Variants in SCAF11 observed in about 807,000 individuals in gnomAD.
SCAF11 encodes the protein protein SCAF11.
A neutral mutation model predicts 140.5 loss-of-function variants in SCAF11; 47 were observed. That is an observed-to-expected ratio of 0.33 (90% CI 0.26 to 0.43). SCAF11 has a LOEUF of 0.43. Ranked by LOEUF, SCAF11 falls within the 20% of genes least tolerant of loss-of-function variation. SCAF11 has a pLI of 1.00. For synonymous variants in SCAF11, 557 were observed against 579.4 expected, an observed-to-expected ratio of 0.96 and a Z score of 0.55; for missense variants, 1,645 against 1,705.1, an observed-to-expected ratio of 0.96 and a Z score of 0.62.
chr12:45,956,935 T>C (rs1945703532), intron 3 of SCAF11, among the ~76,000 whole-genome samples: 1 of 152,172 alleles, frequency 6.6e-6, no homozygotes, highest in African/African-American at 2.4e-5. Context: ...ACTAAAAAAT[T>C]TCCCAAAGGA....
At chr12:45,972,901 T>TATCG (rs1555171406) in intron 1 of SCAF11, among the ~76,000 whole-genome samples, 1 of 26,512 alleles carries the variant, frequency 3.8e-5, no homozygotes, top group African/African-American at 1.5e-4. Context: ...TAGATATATA[T>TATCG]ATATATAGAT....
At position 45,961,737 on chromosome 12, in the gene SCAF11, T is replaced by C. The variant is rs911946814; in HGVS notation, c.182A>G (p.His61Arg). 8 of 1,613,026 alleles carry C rather than the reference T, an allele frequency of 5.0e-6. No homozygotes were observed. The highest frequency in any genetic ancestry group is 2.2e-5 in the East Asian group (1 of 44,798). ...AAGAATACAAGTCATACAGAAGACATGATTACAGCTTTCTGGAAAACCAAC... is the reference window on the plus strand; with the variant it reads ...AAGAATACAAGTCATACAGAAGACACGATTACAGCTTTCTGGAAAACCAAC... Reference protein sequence around the residue: ...KEVGFPESCNHVFCMTCILKW... With the variant: ...KEVGFPESCNRVFCMTCILKW... Residue 61 changes from histidine (H) to arginine (R), a missense_variant, in exon 3 of 15, where the codon CAT (histidine) becomes CGT (arginine). His to Arg is a conservative substitution (Grantham distance 29). Transcript: ENST00000369367.
At chr12:45,956,989 C>T (rs1297022341) in intron 3 of SCAF11, among the ~76,000 whole-genome samples, 1 of 152,128 alleles carries the variant, frequency 6.6e-6, no homozygotes, top group African/African-American at 2.4e-5. Context: ...AAAAAATTAG[C>T]TACAAGTTAA....
At chr12:45,945,039 C>A in intron 6 of SCAF11, 2 of 521,802 alleles carry the variant, frequency 3.8e-6, no homozygotes, top group South Asian at 2.7e-5. Context: ...ACACACACAC[C>A]CCTTTTAAGA....
chr12:45,970,517 AG>A (rs1190499716), intron 1 of SCAF11, among the ~76,000 whole-genome samples: 3 of 152,258 alleles, frequency 2.0e-5, no homozygotes, highest in Non-Finnish European at 4.4e-5. Context: ...GGTGAATAAA[AG>A]GGAAAGTAGA....
chr12:45,992,004 C>T, upstream of SCAF11: 4 of 1,288,956 alleles, frequency 3.1e-6, no homozygotes, highest in Non-Finnish European at 4.0e-6. Flanking sequence ...AGTTTCCTCC[C>T]CACTTTGCCG....
chr12:45,989,583 G>T (rs1348814268), intron 1 of SCAF11, among the ~76,000 whole-genome samples: 2 of 152,190 alleles, frequency 1.3e-5, no homozygotes, highest in Non-Finnish European at 2.9e-5. Context: ...CGTGTTGGTG[G>T]CAAGACCGCC....
At chr12:45,955,247 C>A (rs1418956732) in intron 3 of SCAF11, 1 of 152,072 alleles carries the variant, frequency 6.6e-6, no homozygotes, top group Non-Finnish European at 1.5e-5. Flanking sequence ...ACCTCAACCT[C>A]CTAGGTTCAA....
rs1944864583 is a variant in SCAF11, at chr12:45,926,560, C to A, written c.3141G>T (p.Trp1047Cys). ...CTGAATTTTCATTTCTATTTTCTTCCCAATGAGACTCTTTCAACTTTTCTG... is the reference window on the plus strand; with the variant it reads ...CTGAATTTTCATTTCTATTTTCTTCACAATGAGACTCTTTCAACTTTTCTG... ...RNPEKLKESH[W>C]EENRNENSGN... The change falls in exon 11 of 15, where the codon TGG becomes TGT. Residue 1047 changes from tryptophan (W) to cysteine (C), a missense_variant. Physicochemically the swap from Trp to Cys is radical, Grantham distance 215. Transcript: ENST00000369367. The A allele has an allele frequency of 1.2e-6, 2 of 1,612,234 alleles. No individual in the cohort carries two copies. The highest frequency in any genetic ancestry group is 1.7e-5 in the Admixed American group (1 of 59,560).
intron 6 of SCAF11, among the ~76,000 whole-genome samples, chr12:45,939,103 T>C (rs981140572): frequency 2.1e-4 from 32 of 151,360 alleles, no homozygotes; most frequent in African/African-American, 7.8e-4. Context: ...CTTCATTATA[T>C]GAGAAAACTA....
intron 1 of SCAF11, among the ~76,000 whole-genome samples, chr12:45,988,833 G>T (rs1946523423): frequency 6.6e-6 from 1 of 152,098 alleles, no homozygotes; most frequent in African/African-American, 2.4e-5. Context: ...TAAAATATCT[G>T]CAAGCACCAA....
chr12:45,982,429 G>A (rs919455320), intron 1 of SCAF11, among the ~76,000 whole-genome samples: 7 of 152,132 alleles, frequency 4.6e-5, no homozygotes, highest in South Asian at 2.1e-4. Context: ...TATCGGGGCC[G>A]GGTACAGTGG....
chr12:45,923,115 T>C lies in SCAF11; in HGVS notation c.3946A>G (p.Thr1316Ala), dbSNP rs747157461. 2 of 1,614,150 alleles carry C rather than the reference T, an allele frequency of 1.2e-6. No homozygotes were observed. Among genetic ancestry groups the C allele is most frequent in the East Asian group, 2.2e-5 (1 of 44,884 alleles). Reference protein sequence around the residue: ...SSSHVSNNMSTPVLPAPTAAP... With the variant: ...SSSHVSNNMSAPVLPAPTAAP... ...GCTGTCGGAGCAGGCAAAACTGGTGTACTCATGTTATTACTTACATGAGAA... is the reference window on the plus strand; with the variant it reads ...GCTGTCGGAGCAGGCAAAACTGGTGCACTCATGTTATTACTTACATGAGAA... The change falls in exon 13 of 15, where the codon ACA (threonine) becomes GCA (alanine). Residue 1316 changes from threonine to alanine, a missense_variant. Physicochemically the swap from Thr to Ala is moderately conservative, Grantham distance 58. Coordinates refer to ENST00000369367, the MANE Select transcript of SCAF11 (RefSeq NM_004719.3).
At chr12:45,961,457 T>C in intron 3 of SCAF11, 2 of 617,000 alleles carry the variant, frequency 3.2e-6, no homozygotes, top group Admixed American at 5.9e-5. Context: ...TGATCTGTTC[T>C]TCCTATAAGG....
At chr12:45,960,619 T>A (rs1945803576) in intron 3 of SCAF11, 1 of 152,132 alleles carries the variant, frequency 6.6e-6, no homozygotes, top group South Asian at 2.1e-4. Flanking sequence ...CACTTCTTGT[T>A]AAAGACCAGT....
intron 6 of SCAF11, among the ~76,000 whole-genome samples, chr12:45,944,818 G>A (rs1333635138): frequency 6.6e-6 from 1 of 152,220 alleles, no homozygotes; most frequent in African/African-American, 2.4e-5. Flanking sequence ...TTAGAAGTAA[G>A]GCTAGAGGCC....
At chr12:45,936,955 A>G (rs896956005) in intron 6 of SCAF11, among the ~76,000 whole-genome samples, 11 of 148,942 alleles carry the variant, frequency 7.4e-5, no homozygotes, top group Non-Finnish European at 1.6e-4. Context: ...ATTGTTGATG[A>G]CACTCTGTAA....
chr12:45,973,766 T>C (rs1474064254), intron 1 of SCAF11, among the ~76,000 whole-genome samples: 1 of 152,158 alleles, frequency 6.6e-6, no homozygotes, highest in Non-Finnish European at 1.5e-5. Flanking sequence ...CCTTCAGGAA[T>C]GAATGTGAAA....
chr12:45,936,940 C>T (rs1485189414), intron 6 of SCAF11, among the ~76,000 whole-genome samples: 1 of 151,616 alleles, frequency 6.6e-6, no homozygotes, highest in Non-Finnish European at 1.5e-5. Context: ...TTCACTACTC[C>T]AACTATTGTT....
Sources: gnomAD v4.1 joint callset for allele counts (sites outside exome capture counted in the v4.1 genomes callset) on GRCh38, gnomAD v4.1.1 for gene constraint, MANE v1.5 for transcripts, NCBI Gene and HGNC (gene_info 2026-07-23, HGNC 2026-07-21) for gene names.